CRADD: variants seen among roughly 807,000 people sequenced by gnomAD.
CRADD encodes the protein death domain-containing protein CRADD.
CRADD carries 9 observed loss-of-function variants against 15.5 expected under a neutral mutation model. That is an observed-to-expected ratio of 0.58 (90% CI 0.35 to 1.01). CRADD has a LOEUF of 1.01. Among genes scored for constraint, CRADD ranks in the 50% least tolerant of loss-of-function variants. The pLI is 0.02. For synonymous variants in CRADD, 118 were observed against 107.6 expected, an observed-to-expected ratio of 1.10 and a Z score of -0.60; for missense variants, 227 against 250.3, an observed-to-expected ratio of 0.91 and a Z score of 0.63.
intron 2 of CRADD, among the ~76,000 whole-genome samples, chr12:93,880,696 G>T (rs1958492494): frequency 6.6e-6 from 1 of 152,126 alleles, no homozygotes; most frequent in Admixed American, 6.6e-5. Flanking sequence ...TACAAATTTT[G>T]CTTCACTCCC....
At chr12:93,800,406 A>G (rs879614119) in intron 2 of CRADD, among the ~76,000 whole-genome samples, 1 of 152,086 alleles carries the variant, frequency 6.6e-6, no homozygotes, top group Non-Finnish European at 1.5e-5. Context: ...GGCAAGTGAT[A>G]TGGTTTGATT....
chr12:93,772,413 A>G (rs1015616184), intron 2 of CRADD, among the ~76,000 whole-genome samples: 2 of 152,254 alleles, frequency 1.3e-5, no homozygotes, highest in African/African-American at 4.8e-5. Context: ...ATTTCTTTTT[A>G]GAACTCTTGA....
intron 2 of CRADD, among the ~76,000 whole-genome samples, chr12:93,682,743 A>G (rs768293824): frequency 5.1e-4 from 78 of 152,282 alleles, no homozygotes; most frequent in Non-Finnish European, 1.0e-3. Context: ...CTCAAAACAT[A>G]CAAAAACACC....
chr12:93,713,304 A>T (rs1956106504), intron 2 of CRADD, among the ~76,000 whole-genome samples: 3 of 152,186 alleles, frequency 2.0e-5, no homozygotes, highest in Non-Finnish European at 2.9e-5. Context: ...TTCTTCTGTC[A>T]GACTTGTGCT....
intron 2 of CRADD, among the ~76,000 whole-genome samples, chr12:93,787,463 C>A (rs1957292850): frequency 6.6e-6 from 1 of 152,034 alleles, no homozygotes; most frequent in Admixed American, 6.6e-5. Context: ...AAGTGGTGCT[C>A]ACATGTGCAT....
intron 2 of CRADD, among the ~76,000 whole-genome samples, chr12:93,732,148 A>C (rs935944907): frequency 2.0e-5 from 3 of 152,046 alleles, no homozygotes; most frequent in African/African-American, 2.4e-5. Flanking sequence ...AGAAAAAAAA[A>C]AAAAAGAAAG....
intron 2 of CRADD, among the ~76,000 whole-genome samples, chr12:93,710,027 T>C (rs1239315010): frequency 6.6e-6 from 1 of 152,210 alleles, no homozygotes; most frequent in Admixed American, 6.5e-5. Flanking sequence ...TGTTCCAAAA[T>C]ATAGTGACTT....
intron 2 of CRADD, among the ~76,000 whole-genome samples, chr12:93,680,144 C>T (rs564027307): frequency 1.2e-4 from 18 of 151,870 alleles, no homozygotes; most frequent in African/African-American, 4.3e-4. Flanking sequence ...CCTCCCTTGA[C>T]TCTGTTTCAC....
intron 2 of CRADD, among the ~76,000 whole-genome samples, chr12:93,832,098 A>T (rs1957911492): frequency 6.6e-6 from 1 of 152,226 alleles, no homozygotes; most frequent in Non-Finnish European, 1.5e-5. Flanking sequence ...ATCCCATGAC[A>T]AATCTTGTTA....
intron 2 of CRADD, among the ~76,000 whole-genome samples, chr12:93,719,622 A>G (rs1369638092): frequency 6.6e-6 from 1 of 152,190 alleles, no homozygotes; most frequent in African/African-American, 2.4e-5. Context: ...CAAATGTTTA[A>G]TAGATGCAGG....
chr12:93,736,042 G>A (rs529078302), intron 2 of CRADD, among the ~76,000 whole-genome samples: 28 of 152,136 alleles, frequency 1.8e-4, no homozygotes, highest in African/African-American at 6.3e-4. Context: ...GGGCAATAGA[G>A]GGAGACTCTG....
intron 2 of CRADD, among the ~76,000 whole-genome samples, chr12:93,782,230 A>G (rs1957218368): frequency 6.6e-6 from 1 of 152,090 alleles, no homozygotes; most frequent in Non-Finnish European, 1.5e-5. Flanking sequence ...TTCTCAGCAA[A>G]CTATCGCAAG....
At position 93,764,016 on chromosome 12, in the gene CRADD, T is replaced by A. The variant is rs577156453; in HGVS notation, c.298+84944T>A. Among the ~76,000 whole-genome samples the A allele has an allele frequency of 1.2e-3, 179 of 152,294 alleles. No homozygotes were observed. In the Middle Eastern group the frequency reaches 0.027, roughly 23 times the overall value. On this transcript the variant is annotated intron_variant, in intron 2 of 2. Coordinates refer to ENST00000332896, the MANE Select transcript of CRADD (RefSeq NM_003805.5). The stretch of plus-strand genomic sequence containing the variant: ...GGTATGACTGGTTCAGGGAATTTTA[T>A]TCAGTCTGGTGGGCAGACAGAATGT...
At chr12:93,869,353 C>T (rs1159262168) in intron 2 of CRADD, among the ~76,000 whole-genome samples, 3 of 152,036 alleles carry the variant, frequency 2.0e-5, no homozygotes, top group Admixed American at 2.0e-4. Flanking sequence ...CATTGTCCAG[C>T]ATACAATAAA....
At chr12:93,865,637 C>A (rs767841233) in intron 2 of CRADD, among the ~76,000 whole-genome samples, 3 of 152,124 alleles carry the variant, frequency 2.0e-5, no homozygotes, top group African/African-American at 7.2e-5. Flanking sequence ...TAGTCTTGAA[C>A]TCAAGCAATC....
At chr12:93,772,312 A>G (rs1476668562) in intron 2 of CRADD, among the ~76,000 whole-genome samples, 1 of 152,214 alleles carries the variant, frequency 6.6e-6, no homozygotes, top group Non-Finnish European at 1.5e-5. Context: ...TTAAAAGAGT[A>G]TTGAAGTTGG....
chr12:93,788,555 A>AT (rs1382525933), intron 2 of CRADD, among the ~76,000 whole-genome samples: 1 of 152,116 alleles, frequency 6.6e-6, no homozygotes, highest in African/African-American at 2.4e-5. Context: ...GATGTTCTTG[A>AT]TTTTTTAAAA....
intron 2 of CRADD, among the ~76,000 whole-genome samples, chr12:93,869,102 C>A (rs1216386263): frequency 6.6e-6 from 1 of 152,144 alleles, no homozygotes; most frequent in Non-Finnish European, 1.5e-5. Context: ...ATTAGTGGGG[C>A]TTGATAAACA....
At chr12:93,682,938 T>C (rs1330530297) in intron 2 of CRADD, among the ~76,000 whole-genome samples, 1 of 152,236 alleles carries the variant, frequency 6.6e-6, no homozygotes, top group Non-Finnish European at 1.5e-5. Flanking sequence ...TAATCCACCT[T>C]GGCACCGTGG....
Sources: allele counts gnomAD v4.1 joint callset (sites outside exome capture counted in the v4.1 genomes callset), GRCh38; gene constraint gnomAD v4.1.1; transcripts MANE v1.5; gene names NCBI Gene and HGNC (gene_info 2026-07-23, HGNC 2026-07-21).